TSPEAR: variants seen among roughly 807,000 people sequenced by gnomAD.
The protein encoded by TSPEAR is thrombospondin type laminin G domain and EAR repeats.
A neutral mutation model predicts 71.6 loss-of-function variants in TSPEAR; 69 were observed. The ratio of observed to expected loss-of-function variants is 0.96; its 90% CI spans 0.79 to 1.18. TSPEAR has a LOEUF of 1.18. TSPEAR is among the 50% of genes most tolerant of loss of function. TSPEAR has a pLI of 0.00. For missense variants in TSPEAR, 971 were observed against 894.9 expected (o/e 1.09, Z -1.09); for synonymous variants, 402 against 387.2 (o/e 1.04, Z -0.45).
intron 1 of TSPEAR, among the ~76,000 whole-genome samples, chr21:44,576,059 ATGTGT>A (rs1180624201): frequency 6.6e-6 from 1 of 152,236 alleles, no homozygotes; most frequent in Non-Finnish European, 1.5e-5. Context: ...TGGAATAATG[ATGTGT>A]TGTAACCACT....
intron 1 of TSPEAR, chr21:44,690,395 T>C (rs781874575): frequency 2.5e-4 from 65 of 256,730 alleles, no homozygotes; most frequent in Non-Finnish European, 3.5e-4. Context: ...ATGTCCTCTG[T>C]TGAAATGATA....
intron 1 of TSPEAR, among the ~76,000 whole-genome samples, chr21:44,626,770 C>A (rs1982813080): frequency 6.6e-6 from 1 of 152,120 alleles, no homozygotes; most frequent in Non-Finnish European, 1.5e-5. Context: ...CTGCTGGGGC[C>A]AGTGGCTGGA....
intron 1 of TSPEAR, chr21:44,627,835 A>T (rs782233032): frequency 8.1e-6 from 13 of 1,610,446 alleles, no homozygotes; most frequent in South Asian, 4.4e-5. Context: ...TTGCTGCACC[A>T]CCTCCTGCTG....
chr21:44,525,482 C>G (rs2052835853), intron 8 of TSPEAR, among the ~76,000 whole-genome samples, 171 bp downstream of exon 8: 1 of 152,190 alleles, frequency 6.6e-6, no homozygotes. Flanking sequence ...CCCCAGGGAC[C>G]ACCAGTAGAT....
At chr21:44,510,195 G>A (rs1307592608) in intron 9 of TSPEAR, among the ~76,000 whole-genome samples, 1 of 152,196 alleles carries the variant, frequency 6.6e-6, no homozygotes, top group Non-Finnish European at 1.5e-5. Context: ...GGATAAGGGT[G>A]GTGGGGCTGC....
intron 1 of TSPEAR, among the ~76,000 whole-genome samples, chr21:44,568,738 C>T (rs1476096154): frequency 6.6e-6 from 1 of 152,176 alleles, no homozygotes; most frequent in Non-Finnish European, 1.5e-5. Flanking sequence ...CTGGACCCTC[C>T]TCAGCTCGGC....
At chr21:44,618,838 C>T (rs587760134) in intron 1 of TSPEAR, among the ~76,000 whole-genome samples, 1 of 152,320 alleles carries the variant, frequency 6.6e-6, no homozygotes, top group Admixed American at 6.5e-5. Context: ...ATGAACAAGT[C>T]ACTGACACCT....
At chr21:44,613,320 T>C (rs1405255516) in intron 1 of TSPEAR, among the ~76,000 whole-genome samples, 2 of 152,208 alleles carry the variant, frequency 1.3e-5, no homozygotes, top group Non-Finnish European at 2.9e-5. Context: ...CAAGGGACAG[T>C]GGCCTAACTC....
chr21:44,572,201 T>C (rs1264531327), intron 1 of TSPEAR, among the ~76,000 whole-genome samples: 1 of 152,044 alleles, frequency 6.6e-6, no homozygotes, highest in Non-Finnish European at 1.5e-5. Context: ...CCGGTCAAGG[T>C]CGCTGAGGCC....
chr21:44,527,146 G>T lies in TSPEAR; in HGVS notation c.1149+146C>A, dbSNP rs115085140. On this transcript the variant is annotated intron_variant, in intron 7 of 11. Coordinates refer to ENST00000323084, the MANE Select transcript of TSPEAR (RefSeq NM_144991.3). The stretch of plus-strand genomic sequence containing the variant: ...GATTTAGGGTGGTGGGCTCACGTGT[G>T]CGACTCTGTCAGCCTTTTACCGCCT... The T allele has an allele frequency of 9.0e-4, 677 of 750,114 alleles. 7 individuals are homozygous for T. The African/African-American group carries it at 0.011, about 12-fold the overall frequency. 46.5% of individuals were successfully genotyped at this position (750,114 alleles called of 1,614,324 possible).
At position 44,533,825 on chromosome 21, in the gene TSPEAR, G is replaced by A. The variant is rs144903565; in HGVS notation, c.402C>T (p.Arg134=). The change falls in exon 3 of 12, where the codon CGC becomes CGT. Residue 134 remains arginine (R), a synonymous_variant. Coordinates refer to ENST00000323084, the MANE Select transcript of TSPEAR (RefSeq NM_144991.3). ...SPAQLHFLFL[R]EDTAGAWQTR... is the part of the protein sequence containing the mutation. The stretch of plus-strand genomic sequence containing the variant: ...TCTGCCAGGCGCCGGCCGTGTCCTC[G>A]CGAAGGAACAGGAAGTGCAGCTGGG... The A allele has an allele frequency of 4.1e-5, 66 of 1,612,398 alleles. No individual in the cohort carries two copies. The highest frequency in any genetic ancestry group is 5.3e-5 in the Non-Finnish European group (63 of 1,179,916).
At chr21:44,604,954 A>T (rs1981216445) in intron 1 of TSPEAR, among the ~76,000 whole-genome samples, 1 of 152,180 alleles carries the variant, frequency 6.6e-6, no homozygotes, top group South Asian at 2.1e-4. Flanking sequence ...ATAGTGAAGG[A>T]TCTTTTTAAT....
At chr21:44,535,815 T>G (rs2053080085) in intron 2 of TSPEAR, among the ~76,000 whole-genome samples, 1 of 151,562 alleles carries the variant, frequency 6.6e-6, no homozygotes, top group South Asian at 2.1e-4. Context: ...ATCCGCCCGC[T>G]TCGGCCTCCC....
At chr21:44,662,985 A>G (rs1601542968) in intron 1 of TSPEAR, among the ~76,000 whole-genome samples, 1 of 152,192 alleles carries the variant, frequency 6.6e-6, no homozygotes, top group South Asian at 2.1e-4. Flanking sequence ...GGATAAAATT[A>G]TATCATTAAG....
intron 1 of TSPEAR, chr21:44,658,443 C>A: frequency 1.6e-6 from 1 of 639,846 alleles, no homozygotes; most frequent in Non-Finnish European, 2.7e-6. Flanking sequence ...CCTGGGAACC[C>A]CCTCAAGGAA....
intron 1 of TSPEAR, among the ~76,000 whole-genome samples, chr21:44,691,360 T>C (rs1377069724): frequency 1.3e-5 from 2 of 152,168 alleles, no homozygotes; most frequent in African/African-American, 4.8e-5. Context: ...CACAGCTGAC[T>C]TTCTCTATAA....
intron 1 of TSPEAR, among the ~76,000 whole-genome samples, chr21:44,618,918 G>A (rs1179077858): frequency 6.6e-6 from 1 of 152,216 alleles, no homozygotes; most frequent in African/African-American, 2.4e-5. Context: ...GCTAGGAGAT[G>A]ACATGCTTTG....
chr21:44,664,168 A>T (rs1985633213), intron 1 of TSPEAR, among the ~76,000 whole-genome samples: 1 of 152,292 alleles, frequency 6.6e-6, no homozygotes, highest in East Asian at 1.9e-4. Flanking sequence ...AACATATTAC[A>T]TTATTGTCTA....
rs113735866 is a variant in TSPEAR, at chr21:44,499,780, G to T, written c.*3C>A. 2 of 1,560,402 alleles carry T rather than the reference G, an allele frequency of 1.3e-6. No individual in the cohort carries two copies. Among genetic ancestry groups the T allele is most frequent in the African/African-American group, 2.7e-5 (2 of 73,112 alleles). On this transcript the variant is annotated 3_prime_UTR_variant, in exon 12 of 12. Transcript: ENST00000323084. ...CCCCAGTTGCTGCCGGGCAGCCGCG[G>T]CCTCAGCGTGTCCTCAGCCGCAGGA...
Sources: gnomAD v4.1 joint callset for allele counts (sites outside exome capture counted in the v4.1 genomes callset) on GRCh38, gnomAD v4.1.1 for gene constraint, MANE v1.5 for transcripts, NCBI Gene and HGNC (gene_info 2026-07-23, HGNC 2026-07-21) for gene names.